GCLM: variants seen among roughly 807,000 people sequenced by gnomAD.
GCLM encodes the protein glutamate-cysteine ligase modifier subunit.
GCLM carries 15 observed loss-of-function variants against 36.0 expected under a neutral mutation model. That is an observed-to-expected ratio of 0.42 (90% CI 0.28 to 0.64). GCLM has a LOEUF of 0.64. Ranked by LOEUF, GCLM falls within the 30% of genes least tolerant of loss-of-function variation. The probability of loss-of-function intolerance (pLI) is 0.25; values close to 1 mark genes in which losing one functional copy is unlikely to be tolerated. For missense variants in GCLM, 242 were observed against 325.5 expected, an observed-to-expected ratio of 0.74 and a Z score of 1.97; for synonymous variants, 129 against 122.8, an observed-to-expected ratio of 1.05 and a Z score of -0.34.
chr1:93,889,149 A>G lies in GCLM; in HGVS notation c.666T>C (p.Ser222=). 1 of 1,572,150 alleles carries G rather than the reference A, an allele frequency of 6.4e-7. No homozygotes were observed. Among genetic ancestry groups the G allele is most frequent in the Non-Finnish European group, 8.6e-7 (1 of 1,163,002 alleles). ...GAAGAGCTTCTTGGAAACTTGCTTC[A>G]GAAAGCAGTTCTAAAAGAAACAACA... is the stretch of plus-strand genomic sequence containing the variant. ...LTHNDPKELL[S]EASFQEALQE... is the part of the protein sequence containing the mutation. The change falls in exon 7 of 7, where the codon TCT becomes TCC. Residue 222 remains serine (S), a synonymous_variant. Transcript: ENST00000370238.
chr1:93,902,133 T>A (rs1656972340), intron 2 of GCLM, among the ~76,000 whole-genome samples: 1 of 152,130 alleles, frequency 6.6e-6, no homozygotes, highest in South Asian at 2.1e-4. Flanking sequence ...ATTTGAACTT[T>A]AACCTGTAAG....
intron 1 of GCLM, 23 bp from the exon 2 acceptor site, chr1:93,904,611 A>T: frequency 1.4e-6 from 2 of 1,479,788 alleles, no homozygotes; most frequent in Non-Finnish European, 9.5e-7. Flanking sequence ...TGCATTTTGA[A>T]ACTGTTAATC....
intron 2 of GCLM, 160 bp downstream of exon 2, chr1:93,904,363 A>G: frequency 3.2e-6 from 2 of 634,494 alleles, no homozygotes; most frequent in South Asian, 3.3e-5. Flanking sequence ...TGTTTTATGC[A>G]TAAGCCTACT....
intron 6 of GCLM, among the ~76,000 whole-genome samples, chr1:93,889,567 G>A (rs1044385907): frequency 4.0e-5 from 6 of 151,144 alleles, no homozygotes; most frequent in African/African-American, 1.5e-4. Flanking sequence ...GTGTATATGA[G>A]TATATATCTT....
intron 5 of GCLM, 116 bp downstream of exon 5, chr1:93,896,502 T>A: frequency 1.3e-6 from 1 of 742,004 alleles, no homozygotes; most frequent in Non-Finnish European, 2.4e-6. Context: ...AACTCCCACA[T>A]GTGGAAAAGT....
chr1:93,908,982 C>T lies in GCLM; in HGVS notation c.126+56G>A. The T allele has an allele frequency of 2.5e-5, 34 of 1,361,224 alleles. 1 individual carries two copies. Among genetic ancestry groups the T allele is most frequent in the Non-Finnish European group, 3.2e-5 (34 of 1,055,966 alleles). 84.3% of individuals were successfully genotyped at this position (1,361,224 alleles called of 1,614,324 possible). The stretch of plus-strand genomic sequence containing the variant: ...GGCGCTTCTCCCTTGCCGGAACCGC[C>T]CGGCCCCGCCCGAGGCCTGCCCCGG... On this transcript the variant is annotated intron_variant, in intron 1 of 6. Transcript: ENST00000370238.
chr1:93,896,536 G>A, intron 5 of GCLM, 82 bp downstream of exon 5: 1 of 1,127,734 alleles, frequency 8.9e-7, no homozygotes, highest in Non-Finnish European at 1.4e-6. Context: ...TGGCCACTAT[G>A]TGCATGATGC....
chr1:93,902,715 C>T (rs1164668377), intron 2 of GCLM, among the ~76,000 whole-genome samples: 4 of 152,132 alleles, frequency 2.6e-5, no homozygotes, highest in Admixed American at 1.3e-4. Context: ...CTTGGTGCTG[C>T]ATAGTTTATG....
chr1:93,900,843 A>G (rs1006686205), intron 3 of GCLM, among the ~76,000 whole-genome samples: 2 of 152,206 alleles, frequency 1.3e-5, no homozygotes, highest in African/African-American at 4.8e-5. Flanking sequence ...TGAGGCAAAC[A>G]CTGTGCTAAG....
At chr1:93,904,817 T>C (rs981038420) in intron 1 of GCLM, among the ~76,000 whole-genome samples, 1 of 152,202 alleles carries the variant, frequency 6.6e-6, no homozygotes, top group Non-Finnish European at 1.5e-5. Flanking sequence ...ACTAAAGAAG[T>C]TGTCTAATTA....
chr1:93,904,268 G>A (rs1336149306), intron 2 of GCLM: 1 of 436,868 alleles, frequency 2.3e-6, no homozygotes, highest in African/African-American at 2.0e-5. Context: ...ATAAAACACT[G>A]ATAGTGAGGA....
chr1:93,905,067 T>C (rs544901697), intron 1 of GCLM, among the ~76,000 whole-genome samples: 1 of 149,610 alleles, frequency 6.7e-6, no homozygotes, highest in East Asian at 2.0e-4. Flanking sequence ...GCTACTCGGG[T>C]GGCTGAGGCA....
Position 93,887,463 on chromosome 1 carries a change from A to C in GCLM, c.*1527T>G, listed in dbSNP as rs941702032. On this transcript the variant is annotated 3_prime_UTR_variant, in exon 7 of 7. Coordinates refer to ENST00000370238, the MANE Select transcript of GCLM (RefSeq NM_002061.4). ...TTAGGCCTGTGGTTTAAAAATATTGAGATACAAGAGTTTTTTTTTTTTTTT... is the reference window on the plus strand; with the variant it reads ...TTAGGCCTGTGGTTTAAAAATATTGCGATACAAGAGTTTTTTTTTTTTTTT... The C allele has an allele frequency of 6.9e-6, 1 of 144,084 alleles. No homozygotes were observed. The highest frequency in any genetic ancestry group is 1.5e-5 in the Non-Finnish European group (1 of 66,758). 8.9% of individuals were successfully genotyped at this position (144,084 alleles called of 1,614,324 possible).
At chr1:93,891,587 G>C (rs1258804320) in intron 6 of GCLM, among the ~76,000 whole-genome samples, 1 of 152,090 alleles carries the variant, frequency 6.6e-6, no homozygotes, top group Non-Finnish European at 1.5e-5. Context: ...ATTCCATGAG[G>C]GTTGGTTTTT....
intron 3 of GCLM, among the ~76,000 whole-genome samples, chr1:93,900,008 G>GC (rs3838283): frequency 0.47 from 70,996 of 151,912 alleles, 18,573 homozygotes; most frequent in African/African-American, 0.71. Flanking sequence ...TACATAAAGT[G>GC]CTGACATTCG....
At chr1:93,902,744 A>G (rs866462586) in intron 2 of GCLM, among the ~76,000 whole-genome samples, 1 of 152,206 alleles carries the variant, frequency 6.6e-6, no homozygotes, top group South Asian at 2.1e-4. Context: ...AAACCATATA[A>G]TAACATGTAT....
At chr1:93,891,759 G>A (rs983768821) in intron 6 of GCLM, among the ~76,000 whole-genome samples, 6 of 151,406 alleles carry the variant, frequency 4.0e-5, no homozygotes, top group African/African-American at 1.5e-4. Flanking sequence ...ATTTCGGAGT[G>A]CTAAAGGACC....
At chr1:93,904,383 T>C (rs913023768) in intron 2 of GCLM, 140 bp downstream of exon 2, 3 of 669,050 alleles carry the variant, frequency 4.5e-6, no homozygotes, top group Admixed American at 2.4e-5. Flanking sequence ...TGGATCAGAG[T>C]GCCGTCTCAG....
chr1:93,893,072 T>C (rs1656593450), intron 6 of GCLM, among the ~76,000 whole-genome samples: 1 of 152,360 alleles, frequency 6.6e-6, no homozygotes, highest in Non-Finnish European at 1.5e-5. Flanking sequence ...TATTTTATTC[T>C]GGTATGATTT....
Sources: gnomAD v4.1 joint callset for allele counts (sites outside exome capture counted in the v4.1 genomes callset) on GRCh38, gnomAD v4.1.1 for gene constraint, MANE v1.5 for transcripts, NCBI Gene and HGNC (gene_info 2026-07-23, HGNC 2026-07-21) for gene names.